Variants in ESRRB observed in about 807,000 individuals in gnomAD.
ESRRB encodes steroid hormone receptor ERR2.
In ESRRB, 16 loss-of-function variants were observed where a neutral mutation model predicts 46.0. That is an observed-to-expected ratio of 0.35 (90% CI 0.24 to 0.53). ESRRB has a LOEUF of 0.53. Among genes scored for constraint, ESRRB ranks in the 20% least tolerant of loss-of-function variants. ESRRB has a pLI of 0.93. For synonymous variants in ESRRB, 246 were observed against 259.6 expected, an observed-to-expected ratio of 0.95 and a Z score of 0.50; for missense variants, 488 against 607.4, an observed-to-expected ratio of 0.80 and a Z score of 2.07.
rs910388989 is a variant in ESRRB at position 76,500,900 on chromosome 14, A to C, written c.*2442A>C. 5.9e-6 allele frequency: 4 copies of C among 677,964 alleles called. No individual in the cohort carries two copies. The highest frequency in any genetic ancestry group is 1.1e-5 in the Non-Finnish European group (4 of 374,128). The allele number at this position is 677,964 out of a possible 1,614,324, so 42.0% of individuals were successfully genotyped here. A position where few individuals can be genotyped will look rare whatever the true frequency, so the allele number is the denominator to read the frequency against. ...TACTTAAAACTCAGATCACAACAGG[A>C]AATGTGTCAGTAACAATGGAACTCC... On this transcript the variant is annotated 3_prime_UTR_variant, in exon 7 of 7. Coordinates refer to ENST00000644823, the MANE Select transcript of ESRRB (RefSeq NM_001379180.1).
At chr14:76,310,888 T>C (rs1464560157) in exon 1 of ESRRB, 1 of 454,610 alleles carries the variant, frequency 2.2e-6, no homozygotes, top group Admixed American at 2.4e-5. Context: ...CCCAGCCCAG[T>C]CCTCGTCCTC....
chr14:76,444,782 G>A (rs906455426), intron 2 of ESRRB, among the ~76,000 whole-genome samples: 1 of 152,114 alleles, frequency 6.6e-6, no homozygotes, highest in African/African-American at 2.4e-5. Context: ...CTAATATTCA[G>A]GTCATTTTTT....
intron 1 of ESRRB, among the ~76,000 whole-genome samples, chr14:76,346,151 A>T (rs959563075): frequency 2.6e-5 from 4 of 152,160 alleles, no homozygotes; most frequent in African/African-American, 9.7e-5. Context: ...CCTATTTGTA[A>T]ATAAGCCCGC....
intron 3 of ESRRB, among the ~76,000 whole-genome samples, chr14:76,468,827 T>C (rs1019834728): frequency 6.6e-6 from 1 of 152,172 alleles, no homozygotes; most frequent in Non-Finnish European, 1.5e-5. Context: ...TGGATATTCT[T>C]CTGTGATCCA....
At chr14:76,428,901 C>A (rs1887314375) in intron 1 of ESRRB, among the ~76,000 whole-genome samples, 1 of 152,154 alleles carries the variant, frequency 6.6e-6, no homozygotes. Context: ...TTTCTAACGA[C>A]AAGATGCTTA....
At chr14:76,340,543 C>T (rs1008008612) in intron 1 of ESRRB, among the ~76,000 whole-genome samples, 7 of 152,178 alleles carry the variant, frequency 4.6e-5, no homozygotes, top group Non-Finnish European at 8.8e-5. Context: ...ACGGTTCTAC[C>T]TCCTGGTAGG....
chr14:76,362,960 T>C (rs1017050881), intron 1 of ESRRB, among the ~76,000 whole-genome samples: 2 of 152,340 alleles, frequency 1.3e-5, no homozygotes, highest in African/African-American at 4.8e-5. Context: ...AAAACATTTC[T>C]GTTTGTGGGT....
Position 76,496,949 on chromosome 14 carries a change from A to G in ESRRB, c.1121-1265A>G, listed in dbSNP as rs372865800. Among the ~76,000 whole-genome samples the G allele has an allele frequency of 9.5e-4, 144 of 152,378 alleles. 2 individuals carry two copies. The South Asian group carries it at 0.024, about 25-fold the overall frequency. On this transcript the variant is annotated intron_variant, in intron 6 of 6. Transcript: ENST00000644823. Reference sequence around the variant, plus strand: ...TTGTAATTAACAGTTTATCAATGCCATCGATACAGACCGGCTGATGGATTG... The same window carrying G: ...TTGTAATTAACAGTTTATCAATGCCGTCGATACAGACCGGCTGATGGATTG...
chr14:76,391,423 C>G (rs936780666), intron 1 of ESRRB, among the ~76,000 whole-genome samples: 2 of 152,366 alleles, frequency 1.3e-5, no homozygotes. Context: ...ATGGCAAGTG[C>G]ACTACAAGCC....
At position 76,358,405 on chromosome 14, in the gene ESRRB, A is replaced by AAGAAAGAAAGAAAGAT. The variant is rs1566859729; in HGVS notation, c.2+47498_2+47499insGAAAGATAGAAAGAAA. On this transcript the variant is annotated intron_variant, in intron 1 of 6. Transcript: ENST00000512784. Reference sequence around the variant, plus strand: ...AAAGAAAGAAAGAAAGAAAGAAAGAAAGAAAGAAAAGAAAAGAAAAAGAAA... The same window carrying AAGAAAGAAAGAAAGAT: ...AAAGAAAGAAAGAAAGAAAGAAAGAAAGAAAGAAAGAAAGATAGAAAGAAAAGAAAAGAAAAAGAAA... Among the ~76,000 whole-genome samples, 11 of 140,392 alleles carry AAGAAAGAAAGAAAGAT rather than the reference A, an allele frequency of 7.8e-5. 1 individual carries two copies. The highest frequency in any genetic ancestry group is 1.4e-4 in the Non-Finnish European group (9 of 64,914). 92.1% of individuals were successfully genotyped at this position (140,392 alleles called of 152,430 possible). A position where few individuals can be genotyped will look rare whatever the true frequency, so the allele number is the denominator to read the frequency against.
At chr14:76,472,282 A>C (rs1329440323) in intron 3 of ESRRB, among the ~76,000 whole-genome samples, 2 of 152,222 alleles carry the variant, frequency 1.3e-5, no homozygotes, top group African/African-American at 2.4e-5. Flanking sequence ...CAGTTTTGTC[A>C]AAATGCCCTT....
intron 3 of ESRRB, among the ~76,000 whole-genome samples, chr14:76,466,209 G>C (rs1889104437): frequency 6.6e-6 from 1 of 152,168 alleles, no homozygotes; most frequent in East Asian, 1.9e-4. Context: ...GCTTGGGGAG[G>C]GCTGCAGACG....
In ESRRB at chr14:76,499,977, G is replaced by A. The variant is rs1890600056; in HGVS notation, c.*1519G>A. 2 of 1,599,966 alleles carry A rather than the reference G, an allele frequency of 1.3e-6. No individual in the cohort carries two copies. The highest frequency in any genetic ancestry group is 2.2e-5 in the East Asian group (1 of 44,526). On this transcript the variant is annotated 3_prime_UTR_variant, in exon 7 of 7. Coordinates refer to ENST00000644823, the MANE Select transcript of ESRRB (RefSeq NM_001379180.1). ...AAGCAGGGATCAGAGCAACTCCCCG[G>A]GGATCCCCAATCCACGCCCTTCTAG...
intron 1 of ESRRB, among the ~76,000 whole-genome samples, chr14:76,416,488 A>C (rs1886708002): frequency 6.6e-6 from 1 of 150,384 alleles, no homozygotes; most frequent in Non-Finnish European, 1.5e-5. Context: ...TCTTTTTTTG[A>C]GATGGAGTGT....
At chr14:76,358,704 G>A (rs1489393255) in intron 1 of ESRRB, among the ~76,000 whole-genome samples, 1 of 152,164 alleles carries the variant, frequency 6.6e-6, no homozygotes, top group Non-Finnish European at 1.5e-5. Context: ...ACCATCTATG[G>A]CTAATAGATT....
chr14:76,358,407 GAAAGAAAA>G (rs1884423114), intron 1 of ESRRB, among the ~76,000 whole-genome samples: 6 of 128,118 alleles, frequency 4.7e-5, no homozygotes, highest in African/African-American at 1.2e-4. Context: ...AAGAAAGAAA[GAAAGAAAA>G]GAAAAGAAAA....
chr14:76,439,214 C>T (rs1029134225), intron 1 of ESRRB, 127 bp from the exon 2 acceptor site: 12 of 1,089,562 alleles, frequency 1.1e-5, no homozygotes, highest in Non-Finnish European at 1.7e-5. Context: ...TGACCTTCTC[C>T]ACCGTTGTTT....
At position 76,482,473 on chromosome 14, in the gene ESRRB, T is replaced by A. The variant is rs1048033101; in HGVS notation, c.689-125T>A. ...ATGGAGCCAGAACAGGAGGGGAGAT[T>A]ATAGCCGCTTTGACCTTCCTGGAGC... is the stretch of plus-strand genomic sequence containing the variant. On this transcript the variant is annotated intron_variant, in intron 4 of 6. Coordinates refer to ENST00000644823, the MANE Select transcript of ESRRB (RefSeq NM_001379180.1). The surrounding 1 kb of genome is among the most constrained non-coding windows in gnomAD (Gnocchi z 4.3). 1.1e-6 allele frequency: 1 copy of A among 918,268 alleles called. No individual in the cohort carries two copies. The highest frequency in any genetic ancestry group is 2.5e-5 in the East Asian group (1 of 39,552). The allele number at this position is 918,268 out of a possible 1,614,324, so 56.9% of individuals were successfully genotyped here.
At chr14:76,486,066 GT>G (rs1350899325) in intron 5 of ESRRB, among the ~76,000 whole-genome samples, 1 of 152,180 alleles carries the variant, frequency 6.6e-6, no homozygotes, top group Non-Finnish European at 1.5e-5. Flanking sequence ...CCAAATGCAG[GT>G]TTTTTACCTT....
Sources: gnomAD v4.1 joint callset for allele counts (sites outside exome capture counted in the v4.1 genomes callset) on GRCh38, gnomAD v4.1.1 for gene constraint, Gnocchi (gnomAD v3.1) non-coding constraint, MANE v1.5 for transcripts, NCBI Gene and HGNC (gene_info 2026-07-23, HGNC 2026-07-21) for gene names.